RERE: variants seen among roughly 807,000 people sequenced by gnomAD.
RERE encodes the protein arginine-glutamic acid dipeptide repeats, also known as arginine-glutamic acid dipeptide repeats protein.
In RERE, 40 loss-of-function variants were observed where a neutral mutation model predicts 146.1. The observed-to-expected ratio is 0.27, with a 90% CI of 0.21 to 0.36. RERE has a LOEUF of 0.36. RERE is among the 10% of genes least tolerant of loss of function. The pLI is 1.00. For synonymous variants in RERE, 1,003 were observed against 866.0 expected (o/e 1.16, Z -2.78); for missense variants, 1,933 against 2,138.7 (o/e 0.90, Z 1.90).
At chr1:8,441,238 T>A (rs1221788168) in intron 11 of RERE, among the ~76,000 whole-genome samples, 1 of 152,150 alleles carries the variant, frequency 6.6e-6, no homozygotes, top group Non-Finnish European at 1.5e-5. Flanking sequence ...ATAAGATGTG[T>A]AAGACCATAG....
chr1:8,800,906 A>C (rs1416599465), intron 1 of RERE, among the ~76,000 whole-genome samples: 1 of 152,156 alleles, frequency 6.6e-6, no homozygotes, highest in Non-Finnish European at 1.5e-5. Context: ...CGCAGGTTGC[A>C]GTGAGCCGAG....
chr1:8,450,382 G>C (rs770222402), intron 11 of RERE, among the ~76,000 whole-genome samples: 46 of 149,764 alleles, frequency 3.1e-4, no homozygotes, highest in Admixed American at 1.7e-3. Flanking sequence ...CAGCAGAGCT[G>C]CGTGTGGAGG....
At chr1:8,545,982 C>T (rs78906111) in intron 6 of RERE, among the ~76,000 whole-genome samples, 80 of 69,452 alleles carry the variant, frequency 1.2e-3, no homozygotes, top group Admixed American at 2.3e-3. Flanking sequence ...CATACCCAGT[C>T]TTTTTTTTTT....
At chr1:8,595,555 T>G (rs1253601040) in intron 4 of RERE, among the ~76,000 whole-genome samples, 1 of 151,812 alleles carries the variant, frequency 6.6e-6, no homozygotes, top group Non-Finnish European at 1.5e-5. Flanking sequence ...TTAATTGTAT[T>G]TTATTATGTA....
At chr1:8,714,036 T>G (rs1314997261) in intron 1 of RERE, among the ~76,000 whole-genome samples, 1 of 152,214 alleles carries the variant, frequency 6.6e-6, no homozygotes, top group East Asian at 1.9e-4. Flanking sequence ...GGGTAGTGAT[T>G]GGAAAAATCC....
chr1:8,604,658 A>G (rs1206382484), intron 4 of RERE, among the ~76,000 whole-genome samples: 4 of 151,048 alleles, frequency 2.6e-5, no homozygotes, highest in African/African-American at 9.8e-5. Context: ...GGAAGGAAGG[A>G]AGGAAGGAAG....
At chr1:8,670,889 C>T (rs1241696866) in intron 1 of RERE, among the ~76,000 whole-genome samples, 1 of 151,872 alleles carries the variant, frequency 6.6e-6, no homozygotes, top group Admixed American at 6.5e-5. Context: ...CCTTAGGAAA[C>T]AACTCAGGCA....
At chr1:8,775,188 T>C (rs1303467086) in intron 1 of RERE, among the ~76,000 whole-genome samples, 4 of 151,810 alleles carry the variant, frequency 2.6e-5, no homozygotes. Context: ...CTCGATCTCT[T>C]GACCTTGTGA....
intron 7 of RERE, among the ~76,000 whole-genome samples, chr1:8,520,011 G>A (rs1467780419): frequency 2.0e-5 from 3 of 152,254 alleles, no homozygotes; most frequent in East Asian, 1.9e-4. Context: ...TAACTTAAAC[G>A]TAGGTTTGAT....
At chr1:8,618,191 C>A (rs1341862821) in intron 3 of RERE, among the ~76,000 whole-genome samples, 2 of 152,204 alleles carry the variant, frequency 1.3e-5, no homozygotes, top group East Asian at 1.9e-4. Flanking sequence ...AACTAAACAT[C>A]AACATCACAA....
In RERE at chr1:8,362,643, G is replaced by A; in HGVS notation, c.1902+40C>T. 1.2e-6 allele frequency: 2 copies of A among 1,612,900 alleles called. 1 individual carries two copies. Among genetic ancestry groups the A allele is most frequent in the South Asian group, 2.2e-5 (2 of 91,002 alleles). On this transcript the variant is annotated intron_variant, in intron 16 of 22. Transcript: ENST00000400908. ...CCAGCAAACCAGTTTTAATGTGAGG[G>A]AGGGACAGAGTAGGCCCTACTATCC...
rs397979099 is a variant in RERE at position 8,627,612 on chromosome 1, A to AC, written c.326-3233dup. On this transcript the variant is annotated intron_variant, in intron 2 of 22. Transcript: ENST00000400908. ...GAAACTGTCTCAAAAAAAAAAAAAA[A>AC]CCTGAAATAAATGGGAGACACTTGG... Among the ~76,000 whole-genome samples, 5 of 150,682 alleles carry AC rather than the reference A, an allele frequency of 3.3e-5. No homozygotes were observed. In the South Asian group the frequency reaches 8.4e-4, roughly 25 times the overall value.
intron 1 of RERE, among the ~76,000 whole-genome samples, chr1:8,789,196 G>C (rs1197149634): frequency 6.8e-6 from 1 of 147,176 alleles, no homozygotes; most frequent in Non-Finnish European, 1.5e-5. Flanking sequence ...TGTAATCCCA[G>C]CATTTGGGGA....
rs538861567 is a variant in RERE, at chr1:8,356,264, C to T, written c.4340-18G>A. The stretch of plus-strand genomic sequence containing the variant: ...TGCTGAACCTAAGGAAAGGACAAAA[C>T]GCCAGATGGAGGCGGTGTGCAGCTC... On this transcript the variant is annotated intron_variant, in intron 20 of 22. Transcript: ENST00000400908. The surrounding 1 kb of genome is among the most constrained non-coding windows in gnomAD (Gnocchi z 5.2). The T allele has an allele frequency of 1.7e-5, 26 of 1,513,344 alleles. No homozygotes were observed. The South Asian group carries it at 2.0e-4, about 12-fold the overall frequency. The allele number at this position is 1,513,344 out of a possible 1,614,324, so 93.7% of individuals were successfully genotyped here. A position where few individuals can be genotyped will look rare whatever the true frequency, so the allele number is the denominator to read the frequency against.
At chr1:8,448,557 G>A (rs1033307949) in intron 11 of RERE, among the ~76,000 whole-genome samples, 3 of 152,160 alleles carry the variant, frequency 2.0e-5, no homozygotes, top group Admixed American at 2.0e-4. Context: ...AGGAGTTGGA[G>A]ACCAGCCTGG....
In RERE at chr1:8,696,017, AACC is replaced by A. The variant is rs377741338; in HGVS notation, c.-144-39579_-144-39577del. 2.3e-3 allele frequency among the ~76,000 whole-genome samples: 357 copies of A among 152,324 alleles called. 5 individuals are homozygous for A. In the South Asian group the frequency reaches 0.025, roughly 11 times the overall value. The stretch of plus-strand genomic sequence containing the variant: ...TCATCATCAGAGAGATGCAAATCAA[AACC>A]ACAATGAAATATCGTCTCACGCCAG... On this transcript the variant is annotated intron_variant, in intron 1 of 22. Coordinates refer to ENST00000400908, the MANE Select transcript of RERE (RefSeq NM_001042681.2).
chr1:8,696,339 A>C (rs528868444), intron 1 of RERE, among the ~76,000 whole-genome samples: 1 of 152,342 alleles, frequency 6.6e-6, no homozygotes, highest in Non-Finnish European at 1.5e-5. Flanking sequence ...CAGGCTGGGT[A>C]CGGTAGCTCG....
intron 6 of RERE, among the ~76,000 whole-genome samples, chr1:8,549,679 C>G (rs1645910708): frequency 6.6e-6 from 1 of 152,198 alleles, no homozygotes; most frequent in African/African-American, 2.4e-5. Context: ...AGGGGAAAAT[C>G]TGCTTTACAG....
intron 3 of RERE, among the ~76,000 whole-genome samples, chr1:8,621,076 T>C (rs1482958507): frequency 6.6e-6 from 1 of 151,962 alleles, no homozygotes; most frequent in Admixed American, 6.6e-5. Context: ...GGTTGAATAT[T>C]AATAAAGCAG....
Sources: gnomAD v4.1 joint callset for allele counts (sites outside exome capture counted in the v4.1 genomes callset) on GRCh38, gnomAD v4.1.1 for gene constraint, Gnocchi (gnomAD v3.1) non-coding constraint, MANE v1.5 for transcripts, NCBI Gene and HGNC (gene_info 2026-07-23, HGNC 2026-07-21) for gene names.